SERF1A: variants seen among roughly 807,000 people sequenced by gnomAD.
The protein encoded by SERF1A is small EDRK-rich factor 1A.
chr5:70,904,351 C>T (rs1749028446), intron 2 of SERF1A, among the ~76,000 whole-genome samples: 9 of 31,844 alleles, frequency 2.8e-4, no homozygotes, highest in East Asian at 1.5e-3. Flanking sequence ...GCTGAGATCG[C>T]GCCACCGCAC....
Position 70,904,646 on chromosome 5 carries a change from GGGCTTAAGCGATTCTCCTGCGTCA to G in SERF1A, c.116+2715_116+2738del, listed in dbSNP as rs1381857618. Among the ~76,000 whole-genome samples, 2 of 48,334 alleles carry G rather than the reference GGGCTTAAGCGATTCTCCTGCGTCA, an allele frequency of 4.1e-5. 1 individual carries two copies. Among genetic ancestry groups the G allele is most frequent in the Non-Finnish European group, 8.6e-5 (2 of 23,160 alleles). The allele number at this position is 48,334 out of a possible 152,430, so 31.7% of individuals were successfully genotyped here. A position where few individuals can be genotyped will look rare whatever the true frequency, so the allele number is the denominator to read the frequency against. On this transcript the variant is annotated intron_variant, in intron 2 of 2. Coordinates refer to ENST00000317633, the MANE Select transcript of SERF1A (RefSeq NM_022968.2). ...CGGCTCACTGCAACCTCCACCTCCT[GGGCTTAAGCGATTCTCCTGCGTCA>G]GCAATCCAAGTAGCTGGAATTGCAG...
chr5:70,912,057 A>ACACACACTCT (rs1184160284), downstream of SERF1A, among the ~76,000 whole-genome samples: 69 of 18,610 alleles, frequency 3.7e-3, 5 homozygotes, highest in African/African-American at 0.013. Flanking sequence ...ACACACACAC[A>ACACACACTCT]CTCTCTCTCT....
At chr5:70,913,395 A>C (rs1259183630) in intron 2 of SERF1A, among the ~76,000 whole-genome samples, 1 of 144,184 alleles carries the variant, frequency 6.9e-6, no homozygotes, top group African/African-American at 2.5e-5. Context: ...AAAAAAAAAA[A>C]AAAAACATAC....
downstream of SERF1A, among the ~76,000 whole-genome samples, chr5:70,912,053 ACACACTCTCT>A (rs1561495847): frequency 2.6e-5 from 1 of 38,044 alleles, no homozygotes; most frequent in Non-Finnish European, 4.8e-5. Flanking sequence ...ACACACACAC[ACACACTCTCT>A]CTCTCTCTCT....
intron 2 of SERF1A, among the ~76,000 whole-genome samples, chr5:70,913,393 A>C (rs1429738977): frequency 4.2e-5 from 6 of 143,834 alleles, no homozygotes; most frequent in South Asian, 4.8e-4. Flanking sequence ...AAAAAAAAAA[A>C]AAAAAAACAT....
chr5:70,912,063 T>A (rs1158105470), downstream of SERF1A, among the ~76,000 whole-genome samples: 4 of 44,784 alleles, frequency 8.9e-5, no homozygotes, highest in African/African-American at 3.8e-4. Flanking sequence ...ACACACTCTC[T>A]CTCTCTCTCT....
At chr5:70,913,405 C>G (rs1313259529) in intron 2 of SERF1A, among the ~76,000 whole-genome samples, 10 of 116,334 alleles carry the variant, frequency 8.6e-5, no homozygotes, top group Non-Finnish European at 1.6e-4. Flanking sequence ...AAAAAACATA[C>G]AAACCGAATT....
chr5:70,910,798 A>ATTTTTTTTT (rs1249752268), downstream of SERF1A, among the ~76,000 whole-genome samples: 7 of 20,926 alleles, frequency 3.3e-4, no homozygotes, highest in Non-Finnish European at 5.7e-4. Flanking sequence ...TATTATTATT[A>ATTTTTTTTT]TTTTTTTTTT....
At chr5:70,912,053 ACACACT>A (rs1289474149), downstream of SERF1A, among the ~76,000 whole-genome samples, 23 of 38,044 alleles carry the variant, frequency 6.0e-4, 3 homozygotes, top group Middle Eastern at 6.4e-3. Context: ...ACACACACAC[ACACACT>A]CTCTCTCTCT....
chr5:70,912,057 A>ACACACTCACACTCTCT (rs1184160284), downstream of SERF1A, among the ~76,000 whole-genome samples: 1 of 18,602 alleles, frequency 5.4e-5, no homozygotes, highest in African/African-American at 2.1e-4. Context: ...ACACACACAC[A>ACACACTCACACTCTCT]CTCTCTCTCT....
chr5:70,910,795 A>ATT (rs1413382425), downstream of SERF1A, among the ~76,000 whole-genome samples: 1 of 24,424 alleles, frequency 4.1e-5, no homozygotes, highest in South Asian at 2.3e-3. Flanking sequence ...TATTATTATT[A>ATT]TTATTTTTTT....
chr5:70,909,617 CACAG>C (rs1333965173), downstream of SERF1A, among the ~76,000 whole-genome samples: 2 of 101,346 alleles, frequency 2.0e-5, no homozygotes, highest in Non-Finnish European at 4.2e-5. Flanking sequence ...AGAATTTCTA[CACAG>C]ACTAATAAGC....
rs533288434 is a variant in SERF1A, at chr5:70,916,705, A to G, written c.117-236A>G. 4.5e-5 allele frequency among the ~76,000 whole-genome samples: 2 copies of G among 44,070 alleles called. 1 individual carries two copies. Among genetic ancestry groups the G allele is most frequent in the Non-Finnish European group, 8.0e-5 (2 of 25,016 alleles). 28.9% of individuals were successfully genotyped at this position (44,070 alleles called of 152,430 possible). A position where few individuals can be genotyped will look rare whatever the true frequency, so the allele number is the denominator to read the frequency against. ...ATTTACTTCCATATACTTAATTTAA[A>G]TACACTCAATTTATATACACACACG... On this transcript the variant is annotated intron_variant, in intron 2 of 2. Coordinates refer to the SERF1A transcript ENST00000354833.
downstream of SERF1A, among the ~76,000 whole-genome samples, chr5:70,910,798 A>ATTTTTTT (rs1249752268): frequency 0.073 from 1,514 of 20,854 alleles, 174 homozygotes; most frequent in Non-Finnish European, 0.11. Flanking sequence ...TATTATTATT[A>ATTTTTTT]TTTTTTTTTT....
chr5:70,917,341 C>CTTTTT, exon 3 of SERF1A: 1 of 86,946 alleles, frequency 1.2e-5, no homozygotes, highest in Non-Finnish European at 1.7e-5. Context: ...TAACTTAGCA[C>CTTTTT]TTTTTTTTTT....
chr5:70,904,709 T>C (rs1749038091), intron 2 of SERF1A, among the ~76,000 whole-genome samples: 1 of 49,854 alleles, frequency 2.0e-5, no homozygotes. Flanking sequence ...CCCGCCACCA[T>C]GCCCAGCTAA....
At chr5:70,910,795 A>ATTTT (rs1413382425), downstream of SERF1A, among the ~76,000 whole-genome samples, 2 of 24,424 alleles carry the variant, frequency 8.2e-5, no homozygotes, top group African/African-American at 1.1e-4. Context: ...TATTATTATT[A>ATTTT]TTATTTTTTT....
At chr5:70,913,016 G>A (rs1281557289), downstream of SERF1A, among the ~76,000 whole-genome samples, 1 of 64,304 alleles carries the variant, frequency 1.6e-5, no homozygotes, top group Non-Finnish European at 3.3e-5. Context: ...TCAGTGAGCC[G>A]AGATTGCACC....
downstream of SERF1A, among the ~76,000 whole-genome samples, chr5:70,910,802 T>TTATTTA (rs1342342286): frequency 2.5e-4 from 8 of 32,470 alleles, 2 homozygotes; most frequent in Non-Finnish European, 4.5e-4. Flanking sequence ...ATTATTATTT[T>TTATTTA]TTTTTTTTTT....
Sources: gnomAD v4.1 joint callset for allele counts (sites outside exome capture counted in the v4.1 genomes callset) on GRCh38, gnomAD v4.1.1 for gene constraint, MANE v1.5 for transcripts, NCBI Gene and HGNC (gene_info 2026-07-23, HGNC 2026-07-21) for gene names.